ADGRL2: variants seen among roughly 807,000 people sequenced by gnomAD.
The protein encoded by ADGRL2 is calcium-independent alpha-latrotoxin receptor 2.
Under a neutral mutation model 157.4 loss-of-function variants are expected in ADGRL2, and 44 were observed. The ratio of observed to expected loss-of-function variants is 0.28; its 90% CI spans 0.22 to 0.36. ADGRL2 has a LOEUF of 0.36. ADGRL2 is among the 10% of genes least tolerant of loss of function. ADGRL2 has a pLI of 1.00. For synonymous variants in ADGRL2, 585 were observed against 624.7 expected (o/e 0.94, Z 0.95); for missense variants, 1,510 against 1,768.9 (o/e 0.85, Z 2.63).
chr1:81,638,490 G>T (rs1467016755), intron 3 of ADGRL2, among the ~76,000 whole-genome samples: 1 of 152,072 alleles, frequency 6.6e-6, no homozygotes, highest in East Asian at 1.9e-4. Context: ...ATTTATACTT[G>T]TATAAGTGCG....
chr1:81,508,487 T>TAA, intron 2 of ADGRL2, among the ~76,000 whole-genome samples: 1 of 152,368 alleles, frequency 6.6e-6, no homozygotes, highest in Non-Finnish European at 1.5e-5. Context: ...TATATGTGAA[T>TAA]GAGGAGACAA....
chr1:81,923,727 A>G (rs1193745421), intron 3 of ADGRL2, among the ~76,000 whole-genome samples: 1 of 152,164 alleles, frequency 6.6e-6, no homozygotes, highest in African/African-American at 2.4e-5. Context: ...AGGTATTTAA[A>G]TTGAGTACTT....
chr1:81,832,228 A>G (rs1280092081), intron 1 of ADGRL2, among the ~76,000 whole-genome samples: 1 of 151,784 alleles, frequency 6.6e-6, no homozygotes, highest in Non-Finnish European at 1.5e-5. Flanking sequence ...TGCAACCTCC[A>G]CCTCTCGGGT....
At chr1:81,829,329 A>G (rs1168492488) in intron 1 of ADGRL2, among the ~76,000 whole-genome samples, 1 of 152,202 alleles carries the variant, frequency 6.6e-6, no homozygotes, top group East Asian at 1.9e-4. Flanking sequence ...AATTAAGTTA[A>G]TTATTTAGAA....
chr1:81,779,169 T>C (rs144988467), intron 2 of ADGRL2, among the ~76,000 whole-genome samples: 1 of 152,282 alleles, frequency 6.6e-6, no homozygotes, highest in East Asian at 1.9e-4. Flanking sequence ...CCTGCATTCA[T>C]GGAGCTTACA....
chr1:81,401,276 A>G (rs573380070), intron 1 of ADGRL2, among the ~76,000 whole-genome samples: 1 of 152,248 alleles, frequency 6.6e-6, no homozygotes, highest in African/African-American at 2.4e-5. Flanking sequence ...GCTGCTTCAT[A>G]CCCAGGCAGC....
At chr1:81,839,607 A>T (rs1301293141) in intron 2 of ADGRL2, among the ~76,000 whole-genome samples, 1 of 151,718 alleles carries the variant, frequency 6.6e-6, no homozygotes, top group African/African-American at 2.4e-5. Context: ...CTTAGCTCCT[A>T]CATATCAGTG....
At chr1:81,556,940 G>A (rs762687690) in intron 2 of ADGRL2, among the ~76,000 whole-genome samples, 22 of 151,146 alleles carry the variant, frequency 1.5e-4, no homozygotes, top group Admixed American at 4.0e-4. Flanking sequence ...TTAGCCAGGC[G>A]TGGTGTCGTA....
chr1:81,511,003 A>G (rs1409264050), intron 2 of ADGRL2, among the ~76,000 whole-genome samples: 1 of 152,204 alleles, frequency 6.6e-6, no homozygotes, highest in Admixed American at 6.5e-5. Flanking sequence ...GTTTAACTCT[A>G]TCTTAGCACT....
At chr1:81,891,308 C>T (rs1264886831) in intron 2 of ADGRL2, among the ~76,000 whole-genome samples, 1 of 151,446 alleles carries the variant, frequency 6.6e-6, no homozygotes, top group Non-Finnish European at 1.5e-5. Flanking sequence ...TACTTTGGAC[C>T]TTCAGTTTGT....
intron 3 of ADGRL2, among the ~76,000 whole-genome samples, chr1:81,645,264 T>A (rs1553134445): frequency 6.6e-6 from 1 of 151,812 alleles, no homozygotes; most frequent in Non-Finnish European, 1.5e-5. Context: ...TGGTGGTGCG[T>A]GCCTGTAGTC....
At chr1:81,465,696 A>G (rs966827240) in intron 2 of ADGRL2, among the ~76,000 whole-genome samples, 1 of 152,152 alleles carries the variant, frequency 6.6e-6, no homozygotes, top group African/African-American at 2.4e-5. Flanking sequence ...GAACTTAGAG[A>G]AATGTTGTCT....
intron 1 of ADGRL2, among the ~76,000 whole-genome samples, chr1:81,421,242 G>A (rs769485934): frequency 1.3e-5 from 2 of 152,116 alleles, no homozygotes; most frequent in East Asian, 1.9e-4. Context: ...TAGGTTTATT[G>A]CAAAGCCTAC....
At chr1:81,989,703 G>T in intron 23 of ADGRL2, 2 of 1,610,896 alleles carry the variant, frequency 1.2e-6, no homozygotes, top group Non-Finnish European at 1.7e-6. Flanking sequence ...GATGTGAGTT[G>T]TCCAAAGTGA....
chr1:81,504,824 G>A (rs1364134759), intron 2 of ADGRL2, among the ~76,000 whole-genome samples: 1 of 152,214 alleles, frequency 6.6e-6, no homozygotes, highest in Non-Finnish European at 1.5e-5. Flanking sequence ...GCAGGCTGGG[G>A]TCCTCGCTGG....
chr1:81,793,875 T>G (rs1255207962), intron 2 of ADGRL2, among the ~76,000 whole-genome samples: 2 of 152,118 alleles, frequency 1.3e-5, no homozygotes, highest in Non-Finnish European at 2.9e-5. Context: ...TTTTTCAGAT[T>G]CTTTATTTGA....
chr1:81,908,273 C>G (rs1215111555), intron 3 of ADGRL2, among the ~76,000 whole-genome samples: 1 of 152,178 alleles, frequency 6.6e-6, no homozygotes, highest in Non-Finnish European at 1.5e-5. Flanking sequence ...GTTAATGATG[C>G]ATAACTAGTT....
At chr1:81,947,589 G>A (rs1650298426) in intron 6 of ADGRL2, among the ~76,000 whole-genome samples, 1 of 152,188 alleles carries the variant, frequency 6.6e-6, no homozygotes. Context: ...CATGAATGGT[G>A]ATTGGCATAG....
intron 11 of ADGRL2, among the ~76,000 whole-genome samples, chr1:81,964,028 T>C (rs1430007170): frequency 2.0e-5 from 3 of 151,818 alleles, no homozygotes; most frequent in South Asian, 2.1e-4. Flanking sequence ...ATCTATTTGT[T>C]GGTACAAAGT....
Sources: allele counts gnomAD v4.1 joint callset (sites outside exome capture counted in the v4.1 genomes callset), GRCh38; gene constraint gnomAD v4.1.1; transcripts MANE v1.5; gene names NCBI Gene and HGNC (gene_info 2026-07-23, HGNC 2026-07-21).